Variants in PALM observed in about 807,000 individuals in gnomAD.
PALM encodes the protein paralemmin.
A neutral mutation model predicts 30.7 loss-of-function variants in PALM; 18 were observed. The ratio of observed to expected loss-of-function variants is 0.59; its 90% CI spans 0.41 to 0.87. PALM has a LOEUF of 0.87. Ranked by LOEUF, PALM falls within the 40% of genes least tolerant of loss-of-function variation. The probability of loss-of-function intolerance (pLI) is 0.00; values close to 1 mark genes in which losing one functional copy is unlikely to be tolerated. For synonymous variants in PALM, 286 were observed against 242.8 expected (o/e 1.18, Z -1.66); for missense variants, 529 against 555.4 (o/e 0.95, Z 0.48).
chr19:743,769 C>G (rs1017849919), intron 8 of PALM, among the ~76,000 whole-genome samples: 1 of 152,156 alleles, frequency 6.6e-6, no homozygotes, highest in Non-Finnish European at 1.5e-5. Flanking sequence ...GTGCTGAAAT[C>G]CGGTCCTTGG....
intron 7 of PALM, among the ~76,000 whole-genome samples, chr19:739,936 C>A (rs539377072): frequency 6.6e-6 from 1 of 152,248 alleles, no homozygotes; most frequent in African/African-American, 2.4e-5. Context: ...GTGCTCCAGC[C>A]GGGGCGACAG....
chr19:730,638 C>T (rs1485084568), intron 4 of PALM, among the ~76,000 whole-genome samples: 1 of 152,168 alleles, frequency 6.6e-6, no homozygotes, highest in African/African-American at 2.4e-5. Flanking sequence ...GGCTTTTGCA[C>T]TCCGTGCCTC....
chr19:737,098 G>A (rs1032688493), intron 7 of PALM, among the ~76,000 whole-genome samples: 1 of 152,218 alleles, frequency 6.6e-6, no homozygotes, highest in African/African-American at 2.4e-5. Flanking sequence ...CTCTGGGGTG[G>A]CTGCCCAGGA....
chr19:718,464 C>T (rs777444888), intron 1 of PALM, among the ~76,000 whole-genome samples: 2 of 152,276 alleles, frequency 1.3e-5, no homozygotes, highest in South Asian at 4.1e-4. Flanking sequence ...AGGGTTTGCC[C>T]TGAGACCCTG....
chr19:737,886 T>TG (rs572954180), intron 7 of PALM, among the ~76,000 whole-genome samples: 88 of 151,974 alleles, frequency 5.8e-4, no homozygotes, highest in African/African-American at 2.0e-3. Flanking sequence ...GCAGGAACCA[T>TG]GGGGGGCTGC....
chr19:745,585 C>T (rs1347483763), intron 8 of PALM, among the ~76,000 whole-genome samples: 2 of 151,264 alleles, frequency 1.3e-5, no homozygotes, highest in Non-Finnish European at 2.9e-5. Flanking sequence ...ATCCCAGCTA[C>T]TCAGGAGGCT....
chr19:722,141 A>G (rs892994742), intron 1 of PALM, among the ~76,000 whole-genome samples: 2 of 146,822 alleles, frequency 1.4e-5, no homozygotes, highest in African/African-American at 5.1e-5. Context: ...GATGGTCTCG[A>G]TCTCCTGACC....
At position 727,040 on chromosome 19, in the gene PALM, C is replaced by A. The variant is rs762844424; in HGVS notation, c.90C>A (p.Asn30Lys). 4 of 1,346,426 alleles carry A rather than the reference C, an allele frequency of 3.0e-6. No individual in the cohort carries two copies. The highest frequency in any genetic ancestry group is 3.9e-6 in the Non-Finnish European group (4 of 1,013,016). The allele number at this position is 1,346,426 out of a possible 1,614,324, so 83.4% of individuals were successfully genotyped here. A position where few individuals can be genotyped will look rare whatever the true frequency, so the allele number is the denominator to read the frequency against. The change falls in exon 3 of 9, where the codon AAC becomes AAA. Residue 30 changes from asparagine (N) to lysine (K), a missense_variant. By Grantham distance (94) the Asn-to-Lys change is moderately conservative (BLOSUM62 0). Transcript: ENST00000338448. Reference protein sequence around the residue: ...EKRKRQAEIENKRRQLEDERR... With the variant: ...EKRKRQAEIEKKRRQLEDERR... Reference sequence around the variant, plus strand: ...GGAAGCGGCAGGCGGAGATCGAGAACAAGCGCCGGCAGCTGGAGGACGAGC... The same window carrying A: ...GGAAGCGGCAGGCGGAGATCGAGAAAAAGCGCCGGCAGCTGGAGGACGAGC...
chr19:737,110 G>A (rs926922960), intron 7 of PALM, among the ~76,000 whole-genome samples: 8 of 152,188 alleles, frequency 5.3e-5, no homozygotes, highest in African/African-American at 9.7e-5. Context: ...TGCCCAGGAC[G>A]GGACAGGGCT....
At chr19:729,840 G>C (rs1174194691) in intron 4 of PALM, among the ~76,000 whole-genome samples, 1 of 152,176 alleles carries the variant, frequency 6.6e-6, no homozygotes, top group African/African-American at 2.4e-5. Context: ...GACCGAGGTG[G>C]GGCTGAGACG....
chr19:728,932 A>C (rs1056166692), intron 4 of PALM, among the ~76,000 whole-genome samples: 2 of 151,982 alleles, frequency 1.3e-5, no homozygotes, highest in Non-Finnish European at 2.9e-5. Context: ...TGAACCCGGG[A>C]GGCGGAGCTT....
In PALM at chr19:709,912, G is replaced by T. The variant is rs1568215813; in HGVS notation, c.5+761G>T. On this transcript the variant is annotated intron_variant, in intron 1 of 8. Coordinates refer to ENST00000338448, the MANE Select transcript of PALM (RefSeq NM_002579.3). The surrounding 1 kb of genome is among the most constrained non-coding windows in gnomAD (Gnocchi z 4.3). ...CCCGCATGGCTGCGCCTGTGTGTGT[G>T]GGGGGGGGGTGGCCAGTGGAGGCAC... 1.6e-5 allele frequency among the ~76,000 whole-genome samples: 2 copies of T among 125,158 alleles called. No homozygotes were observed. Among genetic ancestry groups the T allele is most frequent in the African/African-American group, 6.0e-5 (2 of 33,428 alleles). 82.1% of individuals were successfully genotyped at this position (125,158 alleles called of 152,430 possible). A position where few individuals can be genotyped will look rare whatever the true frequency, so the allele number is the denominator to read the frequency against.
intron 1 of PALM, among the ~76,000 whole-genome samples, chr19:711,675 G>C (rs1032964178): frequency 6.6e-6 from 1 of 152,174 alleles, no homozygotes; most frequent in African/African-American, 2.4e-5. Flanking sequence ...GTGGCTTCTG[G>C]TTTGCCCAGT....
chr19:745,374 C>G (rs16990858), intron 8 of PALM, among the ~76,000 whole-genome samples: 3,799 of 152,176 alleles, frequency 0.025, 162 homozygotes, highest in African/African-American at 0.084. Context: ...TCAGGGTGAT[C>G]ACGTGGGAGC....
intron 3 of PALM, 96 bp downstream of exon 3, chr19:727,184 C>A (rs1299883061): frequency 1.3e-6 from 1 of 789,602 alleles, no homozygotes; most frequent in East Asian, 2.7e-5. Context: ...ACCCCAATCC[C>A]AACCTGACCC....
intron 2 of PALM, among the ~76,000 whole-genome samples, chr19:726,729 C>G (rs2144879220): frequency 6.6e-6 from 1 of 152,342 alleles, no homozygotes; most frequent in African/African-American, 2.4e-5. Flanking sequence ...TCTTGAACTC[C>G]TGAACTCAAG....
chr19:746,773 G>A lies in PALM; in HGVS notation c.1123G>A (p.Asp375Asn), dbSNP rs748695684. ...CACCACCAGCGACCCCCAGGACCTCGACATGAAGAAGCACCGTTGTAAATG... is the reference window on the plus strand; with the variant it reads ...CACCACCAGCGACCCCCAGGACCTCAACATGAAGAAGCACCGTTGTAAATG... ...EATTSDPQDL[D>N]MKKHRCKCCS... The change falls in exon 9 of 9, where the codon GAC becomes AAC. Residue 375 changes from aspartate to asparagine, a missense_variant. By Grantham distance (23) the Asp-to-Asn change is conservative. Transcript: ENST00000338448. The surrounding 1 kb of genome is among the most constrained non-coding windows in gnomAD (Gnocchi z 7.1). 4.6e-5 allele frequency: 73 copies of A among 1,584,588 alleles called. No individual in the cohort carries two copies. The highest frequency in any genetic ancestry group is 5.8e-5 in the Non-Finnish European group (68 of 1,171,092).
chr19:733,334 C>T (rs983607743), intron 5 of PALM, among the ~76,000 whole-genome samples: 20 of 152,180 alleles, frequency 1.3e-4, no homozygotes, highest in African/African-American at 3.6e-4. Context: ...TACACATGCA[C>T]GGCCCCTGCC....
chr19:722,104 G>T (rs2032504010), intron 1 of PALM, among the ~76,000 whole-genome samples: 1 of 151,614 alleles, frequency 6.6e-6, no homozygotes, highest in South Asian at 2.1e-4. Context: ...GTTTTTAGTA[G>T]AGACGGGGTT....
Sources: gnomAD v4.1 joint callset for allele counts (sites outside exome capture counted in the v4.1 genomes callset) on GRCh38, gnomAD v4.1.1 for gene constraint, Gnocchi (gnomAD v3.1) non-coding constraint, MANE v1.5 for transcripts, NCBI Gene and HGNC (gene_info 2026-07-23, HGNC 2026-07-21) for gene names.